Variants in TPRG1 observed in about 807,000 individuals in gnomAD.
TPRG1 encodes the protein tumor protein p63-regulated gene 1 protein.
A neutral mutation model predicts 29.3 loss-of-function variants in TPRG1; 29 were observed. The ratio of observed to expected loss-of-function variants is 0.99; its 90% CI spans 0.74 to 1.35. The LOEUF is 1.35. TPRG1 is among the 40% of genes most tolerant of loss of function. The probability of loss-of-function intolerance (pLI) is 0.00; values close to 1 mark genes in which losing one functional copy is unlikely to be tolerated. For synonymous variants in TPRG1, 130 were observed against 116.8 expected (o/e 1.11, Z -0.73); for missense variants, 327 against 335.0 (o/e 0.98, Z 0.19).
chr3:189,112,728 G>A (rs1232542302), intron 1 of TPRG1, among the ~76,000 whole-genome samples: 1 of 152,078 alleles, frequency 6.6e-6, no homozygotes, highest in Non-Finnish European at 1.5e-5. Context: ...CTGTTCCATT[G>A]ATCTATATCT....
chr3:189,125,029 G>A (rs1560466717), intron 1 of TPRG1, among the ~76,000 whole-genome samples: 1 of 152,048 alleles, frequency 6.6e-6, no homozygotes, highest in Non-Finnish European at 1.5e-5. Context: ...AATCTTTTAG[G>A]TCTCTCTTCG....
Position 189,280,174 on chromosome 3 carries a change from C to G in TPRG1, c.480-30212C>G, listed in dbSNP as rs142133377. 4.2e-3 allele frequency among the ~76,000 whole-genome samples: 635 copies of G among 152,122 alleles called. 3 individuals carry two copies. The highest frequency in any genetic ancestry group is 0.014 in the Middle Eastern group (4 of 294). ...GCCCTGTTGTAAACAACAGGACTAG[C>G]ACCATAGTGGTTAGTGAAGAGTGTA... On this transcript the variant is annotated intron_variant, in intron 4 of 5. Coordinates refer to ENST00000345063, the MANE Select transcript of TPRG1 (RefSeq NM_198485.4).
chr3:189,003,475 T>G (rs1292115065), intron 2 of TPRG1, among the ~76,000 whole-genome samples: 3 of 152,176 alleles, frequency 2.0e-5, no homozygotes, highest in Non-Finnish European at 2.9e-5. Flanking sequence ...TCCAGTTCTG[T>G]TCTCTGATAC....
chr3:189,172,427 C>T (rs557868894), intron 1 of TPRG1, among the ~76,000 whole-genome samples: 15 of 152,212 alleles, frequency 9.9e-5, no homozygotes, highest in Admixed American at 6.5e-4. Flanking sequence ...TAATTTTCTC[C>T]ATTTGGTGGC....
chr3:189,101,933 ATTG>A (rs922309052), intron 1 of TPRG1, among the ~76,000 whole-genome samples: 21 of 151,996 alleles, frequency 1.4e-4, no homozygotes, highest in Non-Finnish European at 2.9e-5. Flanking sequence ...AGGTGCTGCT[ATTG>A]TTTTATTTTA....
chr3:189,150,221 C>G (rs1450416608), intron 4 of TPRG1, among the ~76,000 whole-genome samples: 1 of 152,196 alleles, frequency 6.6e-6, no homozygotes, highest in East Asian at 1.9e-4. Flanking sequence ...CTCACTCTGT[C>G]GCCCAACCTG....
chr3:189,104,141 C>T (rs1425310527), intron 1 of TPRG1, among the ~76,000 whole-genome samples: 2 of 152,078 alleles, frequency 1.3e-5, no homozygotes, highest in Non-Finnish European at 2.9e-5. Context: ...ATGGTAGCTC[C>T]TGGTAGATGC....
chr3:189,087,350 G>T (rs1405142170), intron 4 of TPRG1, among the ~76,000 whole-genome samples: 1 of 152,108 alleles, frequency 6.6e-6, no homozygotes, highest in Non-Finnish European at 1.5e-5. Context: ...TTTTTGATGG[G>T]GTCGTTAGTT....
chr3:189,302,669 C>A (rs1721021601), intron 4 of TPRG1, among the ~76,000 whole-genome samples: 1 of 152,218 alleles, frequency 6.6e-6, no homozygotes, highest in Non-Finnish European at 1.5e-5. Flanking sequence ...CTTAAAGTAG[C>A]ATCCAGTTTC....
chr3:189,245,786 A>C (rs6801881), intron 4 of TPRG1, among the ~76,000 whole-genome samples: 3,174 of 151,974 alleles, frequency 0.021, 120 homozygotes, highest in African/African-American at 0.072. Context: ...TCACTGTGGA[A>C]TTTTCTAGTT....
At chr3:189,241,752 C>T (rs1404542426) in intron 4 of TPRG1, among the ~76,000 whole-genome samples, 1 of 152,130 alleles carries the variant, frequency 6.6e-6, no homozygotes, top group Non-Finnish European at 1.5e-5. Context: ...GAATAAGTCT[C>T]ATGAGATTTG....
At chr3:189,157,494 G>A (rs991393556) in intron 5 of TPRG1, among the ~76,000 whole-genome samples, 4 of 152,168 alleles carry the variant, frequency 2.6e-5, no homozygotes, top group Non-Finnish European at 4.4e-5. Context: ...GGAACTCAGT[G>A]AGGGGCACTC....
At chr3:189,313,746 T>G (rs1332233242) in intron 5 of TPRG1, among the ~76,000 whole-genome samples, 5 of 152,200 alleles carry the variant, frequency 3.3e-5, no homozygotes, top group Non-Finnish European at 7.3e-5. Flanking sequence ...TGAGACAAGG[T>G]TCTTGCCTTT....
rs535238232 is a variant in TPRG1 at position 189,282,436 on chromosome 3, G to C, written c.480-27950G>C. Among the ~76,000 whole-genome samples, 11 of 152,200 alleles carry C rather than the reference G, an allele frequency of 7.2e-5. 1 individual carries two copies. The highest frequency in any genetic ancestry group is 2.2e-4 in the African/African-American group (9 of 41,522). ...ATGCAGTTCAAAAGACAGAGAGAGT[G>C]GGGGAGAGGGTATTAAACGTGTATT... On this transcript the variant is annotated intron_variant, in intron 4 of 5. Transcript: ENST00000345063.
At chr3:189,185,163 G>GT (rs1229977378) in intron 1 of TPRG1, among the ~76,000 whole-genome samples, 4 of 152,046 alleles carry the variant, frequency 2.6e-5, no homozygotes, top group South Asian at 2.1e-4. Flanking sequence ...TCTTTGATGG[G>GT]TTTTTTCTTC....
chr3:189,256,427 A>T (rs574906641), intron 4 of TPRG1, among the ~76,000 whole-genome samples: 1 of 152,230 alleles, frequency 6.6e-6, no homozygotes, highest in East Asian at 1.9e-4. Context: ...TTTTCCAGCT[A>T]TGTGGTCGAT....
chr3:189,126,333 G>A (rs553776411), intron 1 of TPRG1, among the ~76,000 whole-genome samples: 1 of 152,098 alleles, frequency 6.6e-6, no homozygotes, highest in South Asian at 2.1e-4. Context: ...GAACTTGAAG[G>A]TTATTTCTTC....
intron 4 of TPRG1, among the ~76,000 whole-genome samples, chr3:189,309,174 A>T (rs1722092247): frequency 1.3e-5 from 2 of 151,900 alleles, no homozygotes; most frequent in African/African-American, 4.8e-5. Flanking sequence ...ACTGGCCAGC[A>T]GAATGTTTCA....
intron 1 of TPRG1, among the ~76,000 whole-genome samples, chr3:189,102,054 A>C (rs1456276720): frequency 6.6e-6 from 1 of 152,120 alleles, no homozygotes; most frequent in African/African-American, 2.4e-5. Context: ...TCCTCTCTCT[A>C]TCTCTTAAAA....
Sources: gnomAD v4.1 joint callset for allele counts (sites outside exome capture counted in the v4.1 genomes callset) on GRCh38, gnomAD v4.1.1 for gene constraint, MANE v1.5 for transcripts, NCBI Gene and HGNC (gene_info 2026-07-23, HGNC 2026-07-21) for gene names.